The following RPS6KA2 variants were observed in gnomAD, a reference collection of about 807,000 sequenced individuals.
RPS6KA2 encodes the protein ribosomal protein S6 kinase A2.
RPS6KA2 carries 42 observed loss-of-function variants against 91.8 expected under a neutral mutation model. The observed-to-expected ratio is 0.46, with a 90% CI of 0.36 to 0.59. The LOEUF (loss-of-function observed/expected upper bound fraction) is 0.59. Ranked by LOEUF, RPS6KA2 falls within the 20% of genes least tolerant of loss-of-function variation. The pLI is 0.00. For synonymous variants in RPS6KA2, 414 were observed against 393.6 expected, an observed-to-expected ratio of 1.05 and a Z score of -0.61; for missense variants, 798 against 978.5, an observed-to-expected ratio of 0.82 and a Z score of 2.46.
chr6:166,680,463 A>C (rs1395417286), intron 2 of RPS6KA2, among the ~76,000 whole-genome samples: 1 of 152,102 alleles, frequency 6.6e-6, no homozygotes, highest in East Asian at 1.9e-4. Flanking sequence ...CACGTTGTGG[A>C]AGGTTTGTTT....
chr6:166,813,520 G>A (rs2149095), intron 2 of RPS6KA2, among the ~76,000 whole-genome samples: 100,285 of 152,088 alleles, frequency 0.66, 33,706 homozygotes, highest in Non-Finnish European at 0.74. Context: ...TAAGACAACA[G>A]AAGTGGATTG....
Position 166,495,839 on chromosome 6 carries a change from G to C in RPS6KA2, c.747+2669C>G, listed in dbSNP as rs887238102. On this transcript the variant is annotated intron_variant, in intron 8 of 20. Coordinates refer to ENST00000265678, the MANE Select transcript of RPS6KA2 (RefSeq NM_021135.6). The surrounding 1 kb of genome is among the most constrained non-coding windows in gnomAD (Gnocchi z 4.4). ...AGAGCCACCAACCCGGCCAGGGTCA[G>C]CAAAGGCCACTGGGAGTGGTGCTTC... Among the ~76,000 whole-genome samples the C allele has an allele frequency of 1.3e-5, 2 of 152,202 alleles. No homozygotes were observed. The highest frequency in any genetic ancestry group is 4.8e-5 in the African/African-American group (2 of 41,444).
At position 166,508,085 on chromosome 6, in the gene RPS6KA2, A is replaced by C. The variant is rs538269574; in HGVS notation, c.459+118T>G. ...CACTCACACATGCACACACCCCCAC[A>C]CACACACACGCACTCTCGCACGTGC... On this transcript the variant is annotated intron_variant, in intron 5 of 20. Transcript: ENST00000265678. The surrounding 1 kb of genome is among the most constrained non-coding windows in gnomAD (Gnocchi z 4.3). The C allele has an allele frequency of 7.0e-4, 448 of 643,186 alleles. 7 individuals are homozygous for C. The highest frequency in any genetic ancestry group is 6.4e-3 in the South Asian group (343 of 53,976). 39.8% of individuals were successfully genotyped at this position (643,186 alleles called of 1,614,324 possible). A position where few individuals can be genotyped will look rare whatever the true frequency, so the allele number is the denominator to read the frequency against.
At chr6:166,661,748 T>C (rs1340925654) in intron 2 of RPS6KA2, among the ~76,000 whole-genome samples, 1 of 152,202 alleles carries the variant, frequency 6.6e-6, no homozygotes, top group Non-Finnish European at 1.5e-5. Flanking sequence ...TTCCTTTGCA[T>C]GCATGCTTAC....
intron 2 of RPS6KA2, among the ~76,000 whole-genome samples, chr6:166,848,820 G>A (rs9356526): frequency 0.55 from 83,469 of 151,318 alleles, 24,972 homozygotes; most frequent in Middle Eastern, 0.73. Context: ...CTTGGGTGAT[G>A]GGTGCACCAA....
At chr6:166,641,681 C>T (rs1006161971) in intron 2 of RPS6KA2, among the ~76,000 whole-genome samples, 16 of 121,222 alleles carry the variant, frequency 1.3e-4, no homozygotes, top group Non-Finnish European at 2.1e-4. Flanking sequence ...GATCACACCA[C>T]TGCACTCCAG....
intron 15 of RPS6KA2, 104 bp downstream of exon 15, chr6:166,432,297 G>T: frequency 1.3e-6 from 1 of 742,206 alleles, no homozygotes; most frequent in South Asian, 1.7e-5. Context: ...AACCAGCTGA[G>T]ACAGGCATGA....
Position 166,736,315 on chromosome 6 carries a change from T to C in RPS6KA2, c.123+121885A>G, listed in dbSNP as rs1363686903. On this transcript the variant is annotated intron_variant, in intron 2 of 21. Coordinates refer to the RPS6KA2 transcript ENST00000503859. ...TCAAAGCAGTGATCTCCACTGAGATTTTCTCAAGAGTCCCGTGGCATCATT... is the reference window on the plus strand; with the variant it reads ...TCAAAGCAGTGATCTCCACTGAGATCTTCTCAAGAGTCCCGTGGCATCATT... Among the ~76,000 whole-genome samples, 4 of 152,348 alleles carry C rather than the reference T, an allele frequency of 2.6e-5. No homozygotes were observed. In the East Asian group the frequency reaches 5.8e-4, roughly 22 times the overall value.
chr6:166,585,489 C>T (rs774445108), intron 1 of RPS6KA2, among the ~76,000 whole-genome samples: 9 of 136,104 alleles, frequency 6.6e-5, no homozygotes, highest in Non-Finnish European at 1.2e-4. Flanking sequence ...AACATGACAT[C>T]AAACAAGTCT....
chr6:166,801,274 G>A (rs143023783), intron 2 of RPS6KA2, among the ~76,000 whole-genome samples: 10 of 152,304 alleles, frequency 6.6e-5, no homozygotes, highest in African/African-American at 1.9e-4. Context: ...AAGAAACACA[G>A]CTAAGTAAAA....
intron 2 of RPS6KA2, among the ~76,000 whole-genome samples, chr6:166,655,400 G>A (rs1394412497): frequency 6.6e-6 from 1 of 152,226 alleles, no homozygotes; most frequent in Admixed American, 6.5e-5. Flanking sequence ...GAAATGTGGT[G>A]AATGATGTCA....
intron 1 of RPS6KA2, among the ~76,000 whole-genome samples, chr6:166,583,088 C>T (rs1655121550): frequency 6.6e-6 from 1 of 152,146 alleles, no homozygotes; most frequent in South Asian, 2.1e-4. Flanking sequence ...ATTTCAATAT[C>T]AATTCTAATA....
At chr6:166,806,190 G>A (rs1004128062) in intron 2 of RPS6KA2, among the ~76,000 whole-genome samples, 1 of 152,000 alleles carries the variant, frequency 6.6e-6, no homozygotes, top group African/African-American at 2.4e-5. Context: ...AGAGAGAAAG[G>A]GATAGAGAGA....
rs780461931 is a variant in RPS6KA2 at position 166,423,369 on chromosome 6, A to G, written c.1630T>C (p.Ser544Pro). ...ACTCGGATGGATTCTGGGCTCCCCG[A>G]CTCATCCCTGTACAGGATGTTACTC... ...KPSNILYRDE[S>P]GSPESIRVCD... The change falls in exon 17 of 21, where the codon TCG (serine) becomes CCG (proline). Residue 544 changes from serine (S) to proline (P), a missense_variant. Coordinates refer to ENST00000265678, the MANE Select transcript of RPS6KA2 (RefSeq NM_021135.6). The surrounding 1 kb of genome is among the most constrained non-coding windows in gnomAD (Gnocchi z 4.8). The G allele has an allele frequency of 3.1e-6, 5 of 1,614,048 alleles. No homozygotes were observed. Among genetic ancestry groups the G allele is most frequent in the Non-Finnish European group, 4.2e-6 (5 of 1,179,994 alleles).
intron 3 of RPS6KA2, among the ~76,000 whole-genome samples, chr6:166,530,901 C>T (rs948922358): frequency 1.7e-4 from 26 of 152,376 alleles, no homozygotes; most frequent in African/African-American, 4.8e-4. Flanking sequence ...CTGCCGGTAT[C>T]GAGGCTGGTT....
At chr6:166,856,055 C>G (rs1780892761) in intron 2 of RPS6KA2, among the ~76,000 whole-genome samples, 1 of 152,168 alleles carries the variant, frequency 6.6e-6, no homozygotes, top group African/African-American at 2.4e-5. Flanking sequence ...GAGAACACGA[C>G]AACTTGAGAC....
chr6:166,820,311 A>G (rs896487697), intron 2 of RPS6KA2, among the ~76,000 whole-genome samples: 1 of 152,128 alleles, frequency 6.6e-6, no homozygotes, highest in African/African-American at 2.4e-5. Flanking sequence ...CCCCACTTGA[A>G]TGCCCTTTTC....
At chr6:166,657,350 A>T (rs1313261456) in intron 2 of RPS6KA2, among the ~76,000 whole-genome samples, 1 of 152,204 alleles carries the variant, frequency 6.6e-6, no homozygotes, top group Admixed American at 6.5e-5. Context: ...CAAAAAAAAA[A>T]ACTTTAGGGA....
At chr6:166,812,296 C>A (rs1476536656) in intron 2 of RPS6KA2, among the ~76,000 whole-genome samples, 1 of 152,170 alleles carries the variant, frequency 6.6e-6, no homozygotes, top group Non-Finnish European at 1.5e-5. Flanking sequence ...ACAGAGGCTG[C>A]AGTGAGCCAA....
Sources: allele counts gnomAD v4.1 joint callset (sites outside exome capture counted in the v4.1 genomes callset), GRCh38; gene constraint gnomAD v4.1.1; non-coding constraint Gnocchi (gnomAD v3.1); transcripts MANE v1.5; gene names NCBI Gene and HGNC (gene_info 2026-07-23, HGNC 2026-07-21).